UMAD1: variants seen among roughly 807,000 people sequenced by gnomAD.
UMAD1 encodes UBAP1-MVB12-associated (UMA)-domain containing protein 1.
A neutral mutation model predicts 6.1 loss-of-function variants in UMAD1; 8 were observed. The ratio of observed to expected loss-of-function variants is 1.30; its 90% CI spans 0.76 to 2.35. The LOEUF (loss-of-function observed/expected upper bound fraction) is 2.35. Among genes scored for constraint, UMAD1 ranks in the 30% most tolerant of loss-of-function variants. The pLI, the probability that UMAD1 is intolerant of heterozygous loss-of-function variation, is 0.00. For missense variants in UMAD1, 130 were observed against 78.4 expected (o/e 1.66, Z -2.49); for synonymous variants, 56 against 31.4 (o/e 1.78, Z -2.61).
At chr7:7,662,842 T>C (rs560537230) in intron 1 of UMAD1, among the ~76,000 whole-genome samples, 11 of 152,314 alleles carry the variant, frequency 7.2e-5, no homozygotes, top group Admixed American at 6.5e-4. Context: ...TTAGATTTTG[T>C]TGAATAAATT....
At chr7:7,775,607 A>G (rs1297795635) in intron 2 of UMAD1, among the ~76,000 whole-genome samples, 1 of 152,226 alleles carries the variant, frequency 6.6e-6, no homozygotes, top group Non-Finnish European at 1.5e-5. Context: ...GGACTAATAC[A>G]CTACTACACC....
intron 3 of UMAD1, among the ~76,000 whole-genome samples, chr7:7,834,893 G>A (rs1277350108): frequency 2.0e-5 from 3 of 152,104 alleles, no homozygotes; most frequent in Non-Finnish European, 4.4e-5. Context: ...CTTACAATCA[G>A]GGCAGAAGGC....
chr7:7,714,124 C>T (rs1047778091), intron 2 of UMAD1, among the ~76,000 whole-genome samples: 5 of 152,164 alleles, frequency 3.3e-5, no homozygotes, highest in Non-Finnish European at 7.3e-5. Flanking sequence ...GTCCTGTGGT[C>T]AGAGAGGGTG....
rs1463745010 is a variant in UMAD1 at position 7,764,502 on chromosome 7, G to C, written c.83-37168G>C. Among the ~76,000 whole-genome samples the C allele has an allele frequency of 2.0e-5, 3 of 152,204 alleles. No individual in the cohort carries two copies. The East Asian group carries it at 5.8e-4, about 29-fold the overall frequency. Reference sequence around the variant, plus strand: ...ATGAAGCTGAGACTGTGGAAGGTGAGAGTAGTGTGAACTTGTTCATAGGCA... The same window carrying C: ...ATGAAGCTGAGACTGTGGAAGGTGACAGTAGTGTGAACTTGTTCATAGGCA... On this transcript the variant is annotated intron_variant, in intron 2 of 3. Transcript: ENST00000682710.
chr7:7,731,491 C>G (rs61179069), intron 2 of UMAD1, among the ~76,000 whole-genome samples: 3 of 134,516 alleles, frequency 2.2e-5, no homozygotes, highest in Non-Finnish European at 3.2e-5. Flanking sequence ...AACCCCCCCC[C>G]AAAAAAAAAA....
chr7:7,792,100 A>G (rs543734191), intron 2 of UMAD1, among the ~76,000 whole-genome samples: 2 of 152,332 alleles, frequency 1.3e-5, no homozygotes, highest in South Asian at 4.2e-4. Flanking sequence ...TTCACTTTGC[A>G]TGTGCCAATT....
chr7:7,836,592 C>G lies in UMAD1; in HGVS notation c.156+34849C>G, dbSNP rs146700281. Among the ~76,000 whole-genome samples, 5 of 151,622 alleles carry G rather than the reference C, an allele frequency of 3.3e-5. No homozygotes were observed. In the East Asian group the frequency reaches 9.6e-4, roughly 29 times the overall value. The stretch of plus-strand genomic sequence containing the variant: ...AGATATTGGTATATCTCATATAACA[C>G]AAACTAAATATGTTTACTATATTTA... On this transcript the variant is annotated intron_variant, in intron 3 of 3. Transcript: ENST00000682710.
chr7:7,767,962 A>G (rs1364557931), intron 2 of UMAD1, among the ~76,000 whole-genome samples: 1 of 152,188 alleles, frequency 6.6e-6, no homozygotes, highest in Non-Finnish European at 1.5e-5. Context: ...TTTGTGTAGC[A>G]CATGTCATAC....
intron 2 of UMAD1, among the ~76,000 whole-genome samples, chr7:7,722,181 G>GTATATCTA (rs1169543792): frequency 6.8e-6 from 1 of 146,416 alleles, no homozygotes; most frequent in Admixed American, 6.8e-5. Flanking sequence ...GTATATATAT[G>GTATATCTA]TATATCTATA....
chr7:7,746,099 G>A (rs140291510), intron 2 of UMAD1, among the ~76,000 whole-genome samples: 10 of 152,242 alleles, frequency 6.6e-5, no homozygotes, highest in African/African-American at 1.9e-4. Context: ...TAAACCTTGC[G>A]TCTTGATTAA....
chr7:7,851,157 T>C (rs1438306654), intron 3 of UMAD1, among the ~76,000 whole-genome samples: 1 of 152,200 alleles, frequency 6.6e-6, no homozygotes, highest in East Asian at 1.9e-4. Context: ...TAATATAATA[T>C]GTGGTCTTTT....
At chr7:7,778,259 TG>T (rs1563198338) in intron 2 of UMAD1, among the ~76,000 whole-genome samples, 5 of 140,610 alleles carry the variant, frequency 3.6e-5, no homozygotes, top group Non-Finnish European at 7.7e-5. Flanking sequence ...TGTGTGTGTG[TG>T]TGTGTGTGTG....
At chr7:7,810,233 A>G (rs1408781214) in intron 3 of UMAD1, among the ~76,000 whole-genome samples, 1 of 152,130 alleles carries the variant, frequency 6.6e-6, no homozygotes, top group Non-Finnish European at 1.5e-5. Flanking sequence ...AAATACAAAT[A>G]TAATGGATAT....
intron 2 of UMAD1, among the ~76,000 whole-genome samples, chr7:7,686,275 A>G (rs1432721143): frequency 6.6e-6 from 1 of 152,180 alleles, no homozygotes; most frequent in Non-Finnish European, 1.5e-5. Flanking sequence ...GAGAGGGTGT[A>G]TCAGGGCCAC....
At chr7:7,826,645 G>T in intron 3 of UMAD1, among the ~76,000 whole-genome samples, 1 of 152,054 alleles carries the variant, frequency 6.6e-6, no homozygotes, top group East Asian at 1.9e-4. Flanking sequence ...ATTACAAGAT[G>T]GTCACTGCAT....
At chr7:7,808,440 A>G (rs188599637) in intron 3 of UMAD1, among the ~76,000 whole-genome samples, 1 of 152,112 alleles carries the variant, frequency 6.6e-6, no homozygotes, top group African/African-American at 2.4e-5. Flanking sequence ...AGTGTTTTAT[A>G]TTGTGAAAAC....
At chr7:7,781,734 T>A (rs1782349360) in intron 2 of UMAD1, among the ~76,000 whole-genome samples, 1 of 152,136 alleles carries the variant, frequency 6.6e-6, no homozygotes, top group Non-Finnish European at 1.5e-5. Context: ...TTTGTATTCA[T>A]CCTTTTTAGC....
chr7:7,857,630 T>G (rs1784042811), intron 3 of UMAD1, among the ~76,000 whole-genome samples: 1 of 152,256 alleles, frequency 6.6e-6, no homozygotes, highest in South Asian at 2.1e-4. Context: ...AGGTAAACAG[T>G]TATTTTTAAA....
At chr7:7,656,773 A>G (rs577562642) in intron 1 of UMAD1, among the ~76,000 whole-genome samples, 9 of 152,336 alleles carry the variant, frequency 5.9e-5, no homozygotes, top group Middle Eastern at 3.4e-3. Context: ...TGCAATAAAC[A>G]TACGTGCGCA....
Sources: allele counts gnomAD v4.1 joint callset (sites outside exome capture counted in the v4.1 genomes callset), GRCh38; gene constraint gnomAD v4.1.1; transcripts MANE v1.5; gene names NCBI Gene and HGNC (gene_info 2026-07-23, HGNC 2026-07-21).